DSCAM: variants seen among roughly 807,000 people sequenced by gnomAD.
DSCAM encodes DS cell adhesion molecule, also known as cell adhesion molecule DSCAM.
In DSCAM, 47 loss-of-function variants were observed where a neutral mutation model predicts 217.7. That is an observed-to-expected ratio of 0.22 (90% CI 0.17 to 0.28). The LOEUF is 0.28. Among genes scored for constraint, DSCAM ranks in the 10% least tolerant of loss-of-function variants. The probability of loss-of-function intolerance (pLI) is 1.00; values close to 1 mark genes in which losing one functional copy is unlikely to be tolerated. For synonymous variants in DSCAM, 1,056 were observed against 1,015.3 expected, an observed-to-expected ratio of 1.04 and a Z score of -0.76; for missense variants, 2,080 against 2,618.3, an observed-to-expected ratio of 0.79 and a Z score of 4.49.
intron 30 of DSCAM, among the ~76,000 whole-genome samples, chr21:40,050,624 A>T (rs773003542): frequency 3.8e-4 from 58 of 152,218 alleles, no homozygotes; most frequent in Non-Finnish European, 7.2e-4. Flanking sequence ...CTGGGACTAC[A>T]GGTGCCCGCC....
intron 1 of DSCAM, among the ~76,000 whole-genome samples, chr21:40,753,388 G>A (rs1252126907): frequency 7.9e-5 from 12 of 152,192 alleles, no homozygotes; most frequent in Admixed American, 7.9e-4. Flanking sequence ...ATGAATCATA[G>A]TTTAGGAAAT....
At chr21:40,407,040 C>A (rs968703701) in intron 3 of DSCAM, among the ~76,000 whole-genome samples, 11 of 152,114 alleles carry the variant, frequency 7.2e-5, no homozygotes, top group Non-Finnish European at 1.6e-4. Flanking sequence ...TTCAGTTAAA[C>A]AGGTGGAATA....
chr21:40,395,205 T>A lies in DSCAM; in HGVS notation c.509-25960A>T, dbSNP rs570983683. On this transcript the variant is annotated intron_variant, in intron 3 of 32. Coordinates refer to ENST00000400454, the MANE Select transcript of DSCAM (RefSeq NM_001389.5). The stretch of plus-strand genomic sequence containing the variant: ...TTTGATGTGGTGCAGTATTTTTAAC[T>A]TGAGAAGAGACTATTAGGGGGCATT... 2.1e-4 allele frequency among the ~76,000 whole-genome samples: 32 copies of A among 152,332 alleles called. No individual in the cohort carries two copies. In the South Asian group the frequency reaches 5.8e-3, roughly 28 times the overall value.
intron 29 of DSCAM, among the ~76,000 whole-genome samples, chr21:40,053,618 C>T (rs954697134): frequency 1.3e-5 from 2 of 152,166 alleles, no homozygotes; most frequent in Non-Finnish European, 2.9e-5. Context: ...GTGGTCAGAG[C>T]CCAGAGCATT....
intron 3 of DSCAM, among the ~76,000 whole-genome samples, chr21:40,557,675 C>T (rs1185198771): frequency 7.2e-5 from 11 of 152,184 alleles, no homozygotes; most frequent in Admixed American, 7.2e-4. Context: ...TACATGCGCA[C>T]TTCTCTTCTG....
chr21:40,618,373 T>C (rs1196970019), intron 3 of DSCAM: 1 of 152,244 alleles, frequency 6.6e-6, no homozygotes, highest in East Asian at 1.9e-4. Flanking sequence ...GGGGTGCTTG[T>C]TGCCGTGGCA....
At chr21:40,286,962 CTGCAGTGTGAT>C (rs1364689047) in intron 10 of DSCAM, among the ~76,000 whole-genome samples, 1 of 149,210 alleles carries the variant, frequency 6.7e-6, no homozygotes, top group Non-Finnish European at 1.5e-5. Flanking sequence ...ATGGTGTGAT[CTGCAGTGTGAT>C]TGCAGTGTGA....
chr21:40,672,620 C>T (rs756536253), intron 3 of DSCAM, among the ~76,000 whole-genome samples: 1 of 152,194 alleles, frequency 6.6e-6, no homozygotes, highest in Non-Finnish European at 1.5e-5. Context: ...GCTCACAGGA[C>T]ATCCTCCGCA....
intron 16 of DSCAM, among the ~76,000 whole-genome samples, chr21:40,166,447 C>G (rs1370010781): frequency 1.3e-5 from 2 of 152,190 alleles, no homozygotes; most frequent in African/African-American, 2.4e-5. Context: ...AGGAGGATGA[C>G]TAATGCCATG....
intron 11 of DSCAM, among the ~76,000 whole-genome samples, chr21:40,232,075 A>G: frequency 6.6e-6 from 1 of 151,974 alleles, no homozygotes; most frequent in Admixed American, 6.6e-5. Flanking sequence ...GAATATAGTA[A>G]TTTTTTTTGG....
At chr21:40,444,435 G>A (rs1226989968) in intron 3 of DSCAM, among the ~76,000 whole-genome samples, 1 of 152,174 alleles carries the variant, frequency 6.6e-6, no homozygotes, top group Non-Finnish European at 1.5e-5. Context: ...ATCAAGTAGG[G>A]CCAATCTGGA....
At chr21:40,710,181 G>GTT (rs11435924) in intron 1 of DSCAM, among the ~76,000 whole-genome samples, 2 of 151,686 alleles carry the variant, frequency 1.3e-5, no homozygotes, top group Non-Finnish European at 1.5e-5. Flanking sequence ...TTTTGATGGG[G>GTT]TTTTTTTTCT....
chr21:40,837,678 T>G (rs1245658652), intron 1 of DSCAM, among the ~76,000 whole-genome samples: 1 of 152,232 alleles, frequency 6.6e-6, no homozygotes, highest in Non-Finnish European at 1.5e-5. Context: ...CCACATTTCT[T>G]GTGCATTTCC....
At chr21:40,041,448 A>G (rs561248480) in intron 32 of DSCAM, among the ~76,000 whole-genome samples, 31 of 152,102 alleles carry the variant, frequency 2.0e-4, no homozygotes, top group Non-Finnish European at 4.3e-4. Context: ...ATTTCCATAT[A>G]AAACCAAGTT....
At chr21:40,433,425 C>T (rs1193372490) in intron 3 of DSCAM, among the ~76,000 whole-genome samples, 2 of 151,302 alleles carry the variant, frequency 1.3e-5, no homozygotes, top group African/African-American at 4.9e-5. Context: ...AGCATAACAT[C>T]TGCCTGTTCA....
Position 40,847,101 on chromosome 21 carries a change from C to G in DSCAM, c.-440G>C, listed in dbSNP as rs1303576073. On this transcript the variant is annotated 5_prime_UTR_variant, in exon 1 of 33. Transcript: ENST00000400454. Reference sequence around the variant, plus strand: ...CGGGCAGGCTCATCTTTGCCGTGCTCCGGCCTCAGTCACATGGATCCCTCT... The same window carrying G: ...CGGGCAGGCTCATCTTTGCCGTGCTGCGGCCTCAGTCACATGGATCCCTCT... The G allele has an allele frequency of 2.0e-5, 3 of 152,326 alleles. No homozygotes were observed. The highest frequency in any genetic ancestry group is 4.4e-5 in the Non-Finnish European group (3 of 68,128). The allele number at this position is 152,326 out of a possible 1,614,324, so 9.4% of individuals were successfully genotyped here. A position where few individuals can be genotyped will look rare whatever the true frequency, so the allele number is the denominator to read the frequency against.
chr21:40,204,171 A>G (rs943033774), intron 11 of DSCAM, among the ~76,000 whole-genome samples: 1 of 152,188 alleles, frequency 6.6e-6, no homozygotes, highest in Non-Finnish European at 1.5e-5. Context: ...GCTGCTACAG[A>G]TTAATTGTAG....
intron 3 of DSCAM, among the ~76,000 whole-genome samples, chr21:40,492,809 C>G (rs2076086938): frequency 1.3e-5 from 2 of 152,004 alleles, no homozygotes; most frequent in Non-Finnish European, 2.9e-5. Flanking sequence ...AGGTAGAACA[C>G]TTACTTAAAA....
rs370849541 is a variant in DSCAM at position 40,187,243 on chromosome 21, G to A, written c.2667C>T (p.Pro889=). Residue 889 remains proline (P), a synonymous_variant, in exon 14 of 33, where the codon CCC becomes CCT. Coordinates refer to ENST00000400454, the MANE Select transcript of DSCAM (RefSeq NM_001389.5). The stretch of plus-strand genomic sequence containing the variant: ...CTTTGACATCTTTGATCTCAATTTC[G>A]GGAGGGTCTGGGGGCTCTGTGCCAT... The part of the protein sequence containing the change: ...QLTVQEPPDP[P]EIEIKDVKAR... 38 of 1,613,714 alleles carry A rather than the reference G, an allele frequency of 2.4e-5. No homozygotes were observed. Among genetic ancestry groups the A allele is most frequent in the East Asian group, 4.5e-5 (2 of 44,862 alleles).
Sources: allele counts gnomAD v4.1 joint callset (sites outside exome capture counted in the v4.1 genomes callset), GRCh38; gene constraint gnomAD v4.1.1; transcripts MANE v1.5; gene names NCBI Gene and HGNC (gene_info 2026-07-23, HGNC 2026-07-21).